The following GRHL3 variants were observed in gnomAD, a reference collection of about 807,000 sequenced individuals.
GRHL3 encodes grainyhead like transcription factor 3, also known as grainyhead-like protein 3 homolog.
GRHL3 carries 20 observed loss-of-function variants against 70.3 expected under a neutral mutation model. The ratio of observed to expected loss-of-function variants is 0.28; its 90% confidence interval spans 0.20 to 0.41. GRHL3 has a LOEUF of 0.41. Ranked by LOEUF, GRHL3 falls within the 10% of genes least tolerant of loss-of-function variation. The probability of loss-of-function intolerance (pLI) is 1.00; values close to 1 mark genes in which losing one functional copy is unlikely to be tolerated. For synonymous variants in GRHL3, 299 were observed against 299.9 expected (o/e 1.00, Z 0.03); for missense variants, 637 against 762.3 (o/e 0.84, Z 1.94).
chr1:24,336,332 G>GC, intron 3 of GRHL3, 150 bp from the exon 4 acceptor site: 1 of 558,424 alleles, frequency 1.8e-6, no homozygotes. Flanking sequence ...GGCCAATTGG[G>GC]CTGCTACAGT....
At chr1:24,352,787 G>C (rs1037066669) in intron 15 of GRHL3, among the ~76,000 whole-genome samples, 1 of 152,132 alleles carries the variant, frequency 6.6e-6, no homozygotes, top group Admixed American at 6.5e-5. Context: ...CGTGCCCAAA[G>C]AGCCCTCTGT....
In GRHL3 at chr1:24,331,628, C is replaced by A. The variant is rs1385130437; in HGVS notation, c.204+16C>A. ...TTACTACATGGTACGTCTACCCCCT[C>A]TGGACATGCCCCGTTTTGACTGAAT... On this transcript the variant is annotated intron_variant, in intron 2 of 15. Transcript: ENST00000361548. 2 of 1,601,796 alleles carry A rather than the reference C, an allele frequency of 1.2e-6. No individual in the cohort carries two copies. The highest frequency in any genetic ancestry group is 1.7e-6 in the Non-Finnish European group (2 of 1,172,486).
downstream of GRHL3, chr1:24,358,427 A>C (rs1557426706): frequency 4.5e-6 from 4 of 879,822 alleles, no homozygotes; most frequent in Non-Finnish European, 7.8e-6. Context: ...TGGTAGAGCC[A>C]CCCCCCAAGT....
chr1:24,326,617 C>T (rs1474148758), intron 1 of GRHL3, among the ~76,000 whole-genome samples: 1 of 152,134 alleles, frequency 6.6e-6, no homozygotes, highest in Non-Finnish European at 1.5e-5. Context: ...CTTATTCTCC[C>T]AGGACAGGTT....
chr1:24,329,637 T>C (rs1639528280), intron 1 of GRHL3, among the ~76,000 whole-genome samples: 1 of 152,204 alleles, frequency 6.6e-6, no homozygotes, highest in Admixed American at 6.5e-5. Context: ...GATCCTTACC[T>C]TGTAGTGTCC....
In GRHL3 at chr1:24,342,049, C is replaced by A. The variant is rs1241473014; in HGVS notation, c.1048-66C>A. The stretch of plus-strand genomic sequence containing the variant: ...ACACAGAAAGCTAGAAATACAGGAT[C>A]ACTGTGGGACGGTGGGGCTGGCCAC... On this transcript the variant is annotated intron_variant, in intron 8 of 15. Transcript: ENST00000361548. This position sits in a 1 kb window ranked among gnomAD's most constrained non-coding sequence, Gnocchi z 4.8. 1.4e-6 allele frequency: 2 copies of A among 1,397,972 alleles called. No homozygotes were observed. Among genetic ancestry groups the A allele is most frequent in the Non-Finnish European group, 1.9e-6 (2 of 1,038,220 alleles). The allele number at this position is 1,397,972 out of a possible 1,614,324, so 86.6% of individuals were successfully genotyped here. A position where few individuals can be genotyped will look rare whatever the true frequency, so the allele number is the denominator to read the frequency against.
rs1342876501 is a variant in GRHL3 at position 24,354,657 on chromosome 1, TA to T, written c.*170del. The T allele has an allele frequency of 3.4e-5, 19 of 560,770 alleles. No individual in the cohort carries two copies. Among genetic ancestry groups the T allele is most frequent in the Non-Finnish European group, 5.4e-5 (17 of 312,422 alleles). 34.7% of individuals were successfully genotyped at this position (560,770 alleles called of 1,614,324 possible). A position where few individuals can be genotyped will look rare whatever the true frequency, so the allele number is the denominator to read the frequency against. On this transcript the variant is annotated 3_prime_UTR_variant, in exon 16 of 16. Transcript: ENST00000361548. ...CAGACGTCAGGGCCAGGGAGAGACC[TA>T]GGGGGTCCCCTGGCCTGGATCCCCA...
chr1:24,346,441 C>T (rs1337870810), intron 12 of GRHL3, 112 bp from the exon 13 acceptor site: 1 of 681,686 alleles, frequency 1.5e-6, no homozygotes, highest in Non-Finnish European at 2.6e-6. Context: ...TGCTTTGCAT[C>T]CACCCTTGTG....
intron 13 of GRHL3, 49 bp from the exon 14 acceptor site, chr1:24,347,419 T>C (rs746755239): frequency 2.4e-4 from 342 of 1,450,770 alleles, no homozygotes; most frequent in Non-Finnish European, 1.7e-5. Context: ...CCTGAGATGA[T>C]CCTGTTCACA....
chr1:24,319,450 T>G lies in GRHL3; in HGVS notation c.-102T>G. 7.9e-7 allele frequency: 1 copy of G among 1,270,366 alleles called. No homozygotes were observed. Among genetic ancestry groups the G allele is most frequent in the Non-Finnish European group, 1.2e-6 (1 of 869,046 alleles). 78.7% of individuals were successfully genotyped at this position (1,270,366 alleles called of 1,614,324 possible). ...CTCGACACCCAAACCTCAACATAAA[T>G]CAAACACTTTCCCGGGCAGAGAATG... On this transcript the variant is annotated 5_prime_UTR_variant, in exon 1 of 16. Coordinates refer to ENST00000361548, the MANE Select transcript of GRHL3 (RefSeq NM_198173.3).
intron 15 of GRHL3, among the ~76,000 whole-genome samples, chr1:24,350,708 T>A (rs1640470240): frequency 6.6e-6 from 1 of 152,124 alleles, no homozygotes. Context: ...GAAAAGGAGT[T>A]GTGATTGGGA....
In GRHL3 at chr1:24,322,231, G is replaced by T. The variant is rs971200286; in HGVS notation, c.17+2663G>T. ...CGCGGCCTCGCTCCCTGCTCTCTGG[G>T]CCCCACCGCTGCCGCCTGGAGTCTC... On this transcript the variant is annotated intron_variant, in intron 1 of 15. Coordinates refer to ENST00000361548, the MANE Select transcript of GRHL3 (RefSeq NM_198173.3). The surrounding 1 kb of genome is among the most constrained non-coding windows in gnomAD (Gnocchi z 4.4). Among the ~76,000 whole-genome samples, 1 of 152,172 alleles carries T rather than the reference G, an allele frequency of 6.6e-6. No homozygotes were observed.
chr1:24,351,393 GC>G (rs1640499776), intron 15 of GRHL3, among the ~76,000 whole-genome samples: 1 of 142,700 alleles, frequency 7.0e-6, no homozygotes, highest in Non-Finnish European at 1.5e-5. Flanking sequence ...CATCCCTGCA[GC>G]CCCTGGGAAG....
At chr1:24,347,038 T>C (rs1640314200) in intron 13 of GRHL3, among the ~76,000 whole-genome samples, 1 of 152,184 alleles carries the variant, frequency 6.6e-6, no homozygotes, top group African/African-American at 2.4e-5. Context: ...CCCAAACCTC[T>C]GGGGGCTGTA....
At chr1:24,336,972 A>G in intron 4 of GRHL3, 106 bp from the exon 5 acceptor site, 2 of 1,271,420 alleles carry the variant, frequency 1.6e-6, no homozygotes, top group Non-Finnish European at 2.3e-6. Context: ...ACTATTGTCC[A>G]AGTTGTACAC....
intron 15 of GRHL3, chr1:24,361,052 G>C: frequency 6.3e-7 from 1 of 1,598,032 alleles, no homozygotes; most frequent in Non-Finnish European, 8.5e-7. Context: ...CTTTGGGAAA[G>C]ATAAAACGGG....
At chr1:24,319,764 G>A (rs1369886435) in intron 1 of GRHL3, 196 bp downstream of exon 1, 4 of 1,465,096 alleles carry the variant, frequency 2.7e-6, no homozygotes, top group African/African-American at 1.4e-5. Flanking sequence ...GTTTCCCTGG[G>A]AAAATAGTTT....
intron 1 of GRHL3, among the ~76,000 whole-genome samples, chr1:24,329,522 G>A (rs1639523783): frequency 1.3e-5 from 2 of 152,212 alleles, no homozygotes; most frequent in African/African-American, 4.8e-5. Context: ...GCTCGATAAG[G>A]CTGAGTTGAA....
downstream of GRHL3, chr1:24,357,179 G>T (rs147423453): frequency 2.6e-5 from 4 of 152,294 alleles, no homozygotes; most frequent in Non-Finnish European, 5.9e-5. Context: ...GGACCCAGTG[G>T]GGCACCCAGA....
Sources: gnomAD v4.1 joint callset for allele counts (sites outside exome capture counted in the v4.1 genomes callset) on GRCh38, gnomAD v4.1.1 for gene constraint, Gnocchi (gnomAD v3.1) non-coding constraint, MANE v1.5 for transcripts, NCBI Gene and HGNC (gene_info 2026-07-23, HGNC 2026-07-21) for gene names.